Variants in UGT1A9 observed in about 807,000 individuals in gnomAD.
The protein encoded by UGT1A9 is UDP glucuronosyltransferase family 1 member A9, also known as UDP-glucuronosyltransferase 1A9.
A neutral mutation model predicts 45.0 loss-of-function variants in UGT1A9; 35 were observed. That is an observed-to-expected ratio of 0.78 (90% CI 0.59 to 1.03). The LOEUF is 1.03. Among genes scored for constraint, UGT1A9 ranks in the 50% least tolerant of loss-of-function variants. UGT1A9 has a pLI of 0.00. For synonymous variants in UGT1A9, 278 were observed against 250.6 expected (o/e 1.11, Z -1.03); for missense variants, 687 against 666.6 (o/e 1.03, Z -0.34).
intron 1 of UGT1A9, chr2:233,748,131 A>C: frequency 6.2e-7 from 1 of 1,610,240 alleles, no homozygotes; most frequent in Non-Finnish European, 8.5e-7. Context: ...ACAGTTTTTA[A>C]AAATTGTATT....
chr2:233,755,331 G>T, intron 1 of UGT1A9: 2 of 462,216 alleles, frequency 4.3e-6, no homozygotes, highest in South Asian at 1.9e-5. Context: ...GCCAGCACCC[G>T]CGCACAGGTC....
intron 1 of UGT1A9, among the ~76,000 whole-genome samples, chr2:233,749,562 T>G (rs541768746): frequency 6.6e-6 from 1 of 151,876 alleles, no homozygotes; most frequent in African/African-American, 2.4e-5. Flanking sequence ...ATGTATTCAA[T>G]AGTGAGGCCA....
chr2:233,747,584 T>G (rs1693721296), intron 1 of UGT1A9: 1 of 1,580,584 alleles, frequency 6.3e-7, no homozygotes, highest in African/African-American at 1.4e-5. Context: ...CTTTGGTCTT[T>G]CATAGGTCTT....
intron 1 of UGT1A9, among the ~76,000 whole-genome samples, chr2:233,702,009 G>A (rs566769996): frequency 5.3e-4 from 81 of 152,124 alleles, no homozygotes; most frequent in Non-Finnish European, 5.9e-5. Context: ...CAGAACTGAA[G>A]GAAATAGAGA....
intron 1 of UGT1A9, among the ~76,000 whole-genome samples, chr2:233,746,886 T>C (rs1265545295): frequency 6.6e-6 from 1 of 151,624 alleles, no homozygotes; most frequent in Non-Finnish European, 1.5e-5. Context: ...AACAGAGAAG[T>C]AGGAGGCTGT....
intron 1 of UGT1A9, chr2:233,743,571 C>T: frequency 7.3e-7 from 1 of 1,367,316 alleles, no homozygotes; most frequent in African/African-American, 1.5e-5. Flanking sequence ...AGCGGGTTTC[C>T]CAAGAGGTCA....
chr2:233,771,791 C>T (rs868802241), intron 4 of UGT1A9, among the ~76,000 whole-genome samples: 2 of 146,520 alleles, frequency 1.4e-5, no homozygotes, highest in Middle Eastern at 6.9e-3. Flanking sequence ...TCTCTCCCTC[C>T]CTCCCTCCCT....
intron 1 of UGT1A9, among the ~76,000 whole-genome samples, chr2:233,726,356 A>T (rs1313638283): frequency 1.3e-5 from 2 of 152,182 alleles, no homozygotes; most frequent in Non-Finnish European, 2.9e-5. Context: ...TTATTTATTT[A>T]AAACACAACA....
intron 1 of UGT1A9, chr2:233,690,732 T>G: frequency 8.3e-7 from 1 of 1,208,768 alleles, no homozygotes; most frequent in Middle Eastern, 3.1e-4. Flanking sequence ...ACATGCCAGA[T>G]TCCTCTGGCT....
intron 1 of UGT1A9, among the ~76,000 whole-genome samples, chr2:233,752,887 C>T (rs1345633016): frequency 1.1e-4 from 17 of 152,134 alleles, no homozygotes; most frequent in Admixed American, 1.1e-3. Flanking sequence ...TAAAACTAGC[C>T]AGCGTTGTTA....
chr2:233,736,950 T>C (rs2078828860), intron 1 of UGT1A9, among the ~76,000 whole-genome samples: 1 of 152,182 alleles, frequency 6.6e-6, no homozygotes, highest in Non-Finnish European at 1.5e-5. Context: ...AGGTGTCTGT[T>C]GGCCCCTACT....
In UGT1A9 at chr2:233,769,577, T is replaced by C. The variant is rs780547888; in HGVS notation, c.1295+1138T>C. 1 of 1,612,862 alleles carries C rather than the reference T, an allele frequency of 6.2e-7. No homozygotes were observed. The highest frequency in any genetic ancestry group is 1.1e-5 in the South Asian group (1 of 91,064). ...ACAGATGTGAAGAGCTGGAGCATGTTCAGATGAGAGGAGACGGAACACGGG... is the reference window on the plus strand; with the variant it reads ...ACAGATGTGAAGAGCTGGAGCATGTCCAGATGAGAGGAGACGGAACACGGG... On this transcript the variant is annotated intron_variant, in intron 4 of 4. Transcript: ENST00000354728. The surrounding 1 kb of genome is among the most constrained non-coding windows in gnomAD (Gnocchi z 4.4).
chr2:233,724,121 C>T (rs2077171215), intron 1 of UGT1A9, among the ~76,000 whole-genome samples: 1 of 117,216 alleles, frequency 8.5e-6, no homozygotes. Context: ...GCAGAGGCGC[C>T]CCTCACCTCC....
intron 1 of UGT1A9, among the ~76,000 whole-genome samples, chr2:233,706,125 C>T (rs2075890628): frequency 6.6e-6 from 1 of 152,166 alleles, no homozygotes; most frequent in Non-Finnish European, 1.5e-5. Flanking sequence ...AGGACACTGA[C>T]AGCAAAGTAT....
chr2:233,685,333 T>C (rs1452516626), intron 1 of UGT1A9, among the ~76,000 whole-genome samples: 1 of 152,160 alleles, frequency 6.6e-6, no homozygotes, highest in Non-Finnish European at 1.5e-5. Context: ...ACACCCGGAC[T>C]TAAAGTGGTT....
chr2:233,751,854 T>C (rs1435480079), intron 1 of UGT1A9, among the ~76,000 whole-genome samples: 3 of 152,196 alleles, frequency 2.0e-5, no homozygotes, highest in Non-Finnish European at 4.4e-5. Context: ...TAAACCTTTG[T>C]CTTTTATAAA....
At chr2:233,696,453 T>A (rs1380414494) in intron 1 of UGT1A9, among the ~76,000 whole-genome samples, 1 of 152,248 alleles carries the variant, frequency 6.6e-6, no homozygotes, top group East Asian at 1.9e-4. Flanking sequence ...TAAATGCTAC[T>A]GATTTTTGTA....
chr2:233,762,557 A>G (rs1283920878), intron 1 of UGT1A9, among the ~76,000 whole-genome samples: 3 of 152,170 alleles, frequency 2.0e-5, no homozygotes. Flanking sequence ...TCTGCTGGAG[A>G]TCTAGTCTAG....
rs2074238517 is a variant in UGT1A9, at chr2:233,672,725, C to T, written c.791C>T (p.Pro264Leu). Reference sequence around the variant, plus strand: ...GACTTTGTTTTGGACTATCCCAAACCCGTGATGCCCAACATGATCTTCATT... The same window carrying T: ...GACTTTGTTTTGGACTATCCCAAACTCGTGATGCCCAACATGATCTTCATT... ...RTDFVLDYPK[P>L]VMPNMIFIGG... Residue 264 changes from proline to leucine, a missense_variant, in exon 1 of 5, where the codon CCC (proline) becomes CTC (leucine). By Grantham distance (98) the Pro-to-Leu change is moderately conservative (BLOSUM62 -3). Coordinates refer to ENST00000354728, the MANE Select transcript of UGT1A9 (RefSeq NM_021027.3). The T allele has an allele frequency of 3.7e-6, 6 of 1,613,914 alleles. No homozygotes were observed. The highest frequency in any genetic ancestry group is 5.1e-6 in the Non-Finnish European group (6 of 1,179,832).
Sources: allele counts gnomAD v4.1 joint callset (sites outside exome capture counted in the v4.1 genomes callset), GRCh38; gene constraint gnomAD v4.1.1; non-coding constraint Gnocchi (gnomAD v3.1); transcripts MANE v1.5; gene names NCBI Gene and HGNC (gene_info 2026-07-23, HGNC 2026-07-21).